GATB: variants seen among roughly 807,000 people sequenced by gnomAD.
GATB encodes glutamyl-tRNA amidotransferase subunit B, also known as glutamyl-tRNA(Gln) amidotransferase subunit B, mitochondrial.
GATB carries 39 observed loss-of-function variants against 62.3 expected under a neutral mutation model. The observed-to-expected ratio is 0.63, with a 90% CI of 0.48 to 0.82. GATB has a LOEUF of 0.82. GATB is among the 40% of genes least tolerant of loss of function. The pLI, the probability that GATB is intolerant of heterozygous loss-of-function variation, is 0.00. For missense variants in GATB, 670 were observed against 684.0 expected, an observed-to-expected ratio of 0.98 and a Z score of 0.23; for synonymous variants, 276 against 258.9, an observed-to-expected ratio of 1.07 and a Z score of -0.63.
intron 2 of GATB, among the ~76,000 whole-genome samples, chr4:151,754,941 T>C (rs1739795716): frequency 1.3e-5 from 2 of 152,232 alleles, no homozygotes; most frequent in Non-Finnish European, 2.9e-5. Flanking sequence ...CATTTACTTT[T>C]GCTCTCACTG....
chr4:151,709,727 T>A (rs2126973812), intron 5 of GATB, among the ~76,000 whole-genome samples: 1 of 152,274 alleles, frequency 6.6e-6, no homozygotes, highest in Non-Finnish European at 1.5e-5. Flanking sequence ...CTCAACACAG[T>A]TCCCTCCTTG....
chr4:151,680,278 T>TAAA (rs5862967), intron 10 of GATB, among the ~76,000 whole-genome samples: 17 of 144,036 alleles, frequency 1.2e-4, no homozygotes, highest in Non-Finnish European at 1.8e-4. Context: ...AAAAATTACT[T>TAAA]AAAAAAAAAA....
intron 9 of GATB, among the ~76,000 whole-genome samples, chr4:151,690,774 T>G (rs1037618356): frequency 2.0e-5 from 3 of 152,208 alleles, no homozygotes; most frequent in African/African-American, 7.2e-5. Context: ...AGTGCTGTGA[T>G]GAAGCCTCTC....
intron 2 of GATB, among the ~76,000 whole-genome samples, chr4:151,757,341 C>T (rs948462370): frequency 2.6e-5 from 4 of 152,130 alleles, no homozygotes; most frequent in African/African-American, 9.7e-5. Flanking sequence ...GATGCTGCCC[C>T]AATACAACCA....
At position 151,701,453 on chromosome 4, in the gene GATB, G is replaced by C. The variant is rs1446658232; in HGVS notation, c.1073C>G (p.Ala358Gly). The C allele has an allele frequency of 6.2e-7, 1 of 1,600,626 alleles. No homozygotes were observed. Among genetic ancestry groups the C allele is most frequent in the African/African-American group, 1.3e-5 (1 of 74,426 alleles). The change falls in exon 9 of 13, where the codon GCA becomes GGA. Residue 358 changes from alanine to glycine, a missense_variant. By Grantham distance (60) the Ala-to-Gly change is moderately conservative. Transcript: ENST00000263985. ...AATATTGATCACTTGCTGTGGGTCT[G>C]CACCTGCGGGCAGAGATGTGGCGTC... ...LYDATSLPAG[A>G]DPQQVINIDQ... is the part of the protein sequence containing the mutation.
rs1037999706 is a variant in GATB at position 151,735,835 on chromosome 4, C to T, written c.328-16297G>A. On this transcript the variant is annotated intron_variant, in intron 2 of 12. Transcript: ENST00000263985. ...ACCTGGATGGGACTGGAGACTAAGG[C>T]GTAAGAATGATACAATGGACTTTGG... is the stretch of plus-strand genomic sequence containing the variant. 2.7e-5 allele frequency among the ~76,000 whole-genome samples: 4 copies of T among 150,162 alleles called. No homozygotes were observed. In the East Asian group the frequency reaches 5.9e-4, roughly 22 times the overall value.
chr4:151,681,663 G>A (rs536809793), intron 10 of GATB, among the ~76,000 whole-genome samples: 1 of 152,216 alleles, frequency 6.6e-6, no homozygotes, highest in Admixed American at 6.5e-5. Flanking sequence ...TGATTGCCTT[G>A]GTCTGTTTGG....
At chr4:151,695,181 C>T (rs961295479) in intron 9 of GATB, among the ~76,000 whole-genome samples, 9 of 152,112 alleles carry the variant, frequency 5.9e-5, no homozygotes, top group Non-Finnish European at 1.0e-4. Context: ...TGTTTTAGCG[C>T]GTTGCTTGGT....
chr4:151,742,781 T>C (rs1324866780), intron 2 of GATB, among the ~76,000 whole-genome samples: 1 of 152,182 alleles, frequency 6.6e-6, no homozygotes, highest in Non-Finnish European at 1.5e-5. Flanking sequence ...CCCTGTCAGA[T>C]ATGGCTTCAT....
rs143834866 is a variant in GATB, at chr4:151,759,204, G to A, written c.177-282C>T. On this transcript the variant is annotated intron_variant, in intron 1 of 12. Coordinates refer to ENST00000263985, the MANE Select transcript of GATB (RefSeq NM_004564.3). ...GCTATAGAGAAAGGAACAATTTGGC[G>A]TCTTAAAACAATTTAGAAATGGGTA... 3.6e-3 allele frequency among the ~76,000 whole-genome samples: 541 copies of A among 152,214 alleles called. 5 individuals carry two copies. Among genetic ancestry groups the A allele is most frequent in the Admixed American group, 0.024 (374 of 15,292 alleles).
Position 151,686,923 on chromosome 4 carries a change from G to A in GATB, c.1331+1707C>T, listed in dbSNP as rs189680381. On this transcript the variant is annotated intron_variant, in intron 10 of 12. Transcript: ENST00000263985. The stretch of plus-strand genomic sequence containing the variant: ...CCAGACTCACCTCAGATTTCTCCAC[G>A]TGCTTTTCCCCATGCCTGGAACACT... 714 of 152,898 alleles carry A rather than the reference G, an allele frequency of 4.7e-3. 4 individuals carry two copies. Among genetic ancestry groups the A allele is most frequent in the Non-Finnish European group, 7.8e-3 (536 of 68,660 alleles). 9.5% of individuals were successfully genotyped at this position (152,898 alleles called of 1,614,324 possible).
At chr4:151,722,276 T>C in intron 2 of GATB, 3 of 698,494 alleles carry the variant, frequency 4.3e-6, no homozygotes, top group Admixed American at 4.1e-5. Context: ...CATAGATAAA[T>C]AGGACTCTGT....
At chr4:151,728,657 C>G (rs1001576016) in intron 2 of GATB, among the ~76,000 whole-genome samples, 2 of 152,164 alleles carry the variant, frequency 1.3e-5, no homozygotes, top group African/African-American at 2.4e-5. Flanking sequence ...CTGGAGAGAT[C>G]TGATGCAATG....
chr4:151,701,177 C>T, intron 9 of GATB, 152 bp downstream of exon 9: 1 of 457,978 alleles, frequency 2.2e-6, no homozygotes, highest in East Asian at 3.5e-5. Flanking sequence ...AAGGTTACTA[C>T]ATCTTATTCT....
intron 2 of GATB, among the ~76,000 whole-genome samples, chr4:151,731,134 C>G (rs971320433): frequency 2.0e-5 from 3 of 149,312 alleles, no homozygotes; most frequent in Non-Finnish European, 3.0e-5. Context: ...CGGTCTCCCT[C>G]TCTCTTTCCA....
chr4:151,679,346 A>G (rs1424260987), intron 11 of GATB, among the ~76,000 whole-genome samples: 1 of 152,178 alleles, frequency 6.6e-6, no homozygotes, highest in Non-Finnish European at 1.5e-5. Flanking sequence ...CATTTTATCT[A>G]CAAAGTGCAG....
At chr4:151,745,971 G>A (rs1297386621) in intron 2 of GATB, among the ~76,000 whole-genome samples, 2 of 152,218 alleles carry the variant, frequency 1.3e-5, no homozygotes, top group African/African-American at 2.4e-5. Context: ...GGAGTTCTAT[G>A]TTACATACAG....
intron 5 of GATB, among the ~76,000 whole-genome samples, chr4:151,709,064 C>T (rs746552094): frequency 6.6e-5 from 10 of 152,148 alleles, no homozygotes; most frequent in Admixed American, 6.5e-4. Flanking sequence ...TTCCTAGTTA[C>T]GTTTTTAAAT....
intron 9 of GATB, among the ~76,000 whole-genome samples, chr4:151,693,763 G>C (rs1738416009): frequency 6.6e-6 from 1 of 152,204 alleles, no homozygotes; most frequent in African/African-American, 2.4e-5. Flanking sequence ...CTTGTGCTAT[G>C]TTCCCAGGAA....
Sources: allele counts gnomAD v4.1 joint callset (sites outside exome capture counted in the v4.1 genomes callset), GRCh38; gene constraint gnomAD v4.1.1; transcripts MANE v1.5; gene names NCBI Gene and HGNC (gene_info 2026-07-23, HGNC 2026-07-21).